AGBL1: variants seen among roughly 807,000 people sequenced by gnomAD.
The protein encoded by AGBL1 is cytosolic carboxypeptidase 4.
AGBL1 carries 130 observed loss-of-function variants against 118.9 expected under a neutral mutation model. The observed-to-expected ratio is 1.09, with a 90% CI of 0.95 to 1.26. AGBL1 has a LOEUF of 1.26. Among genes scored for constraint, AGBL1 ranks in the 50% most tolerant of loss-of-function variants. The pLI, the probability that AGBL1 is intolerant of heterozygous loss-of-function variation, is 0.00. For missense variants in AGBL1, 1,584 were observed against 1,298.1 expected (o/e 1.22, Z -3.38); for synonymous variants, 555 against 478.9 (o/e 1.16, Z -2.08).
At chr15:87,009,546 G>A (rs1241619279) in intron 24 of AGBL1, among the ~76,000 whole-genome samples, 1 of 152,208 alleles carries the variant, frequency 6.6e-6, no homozygotes, top group Non-Finnish European at 1.5e-5. Flanking sequence ...GCACTGCCCA[G>A]TGGAACTGTG....
At chr15:86,164,114 C>T (rs556187262) in intron 5 of AGBL1, among the ~76,000 whole-genome samples, 3 of 152,152 alleles carry the variant, frequency 2.0e-5, no homozygotes, top group Non-Finnish European at 4.4e-5. Context: ...CTGGGGGAAC[C>T]GACAGAGATT....
At chr15:86,596,692 T>A (rs1250371235) in intron 21 of AGBL1, among the ~76,000 whole-genome samples, 1 of 152,128 alleles carries the variant, frequency 6.6e-6, no homozygotes, top group Non-Finnish European at 1.5e-5. Context: ...GACTGTCTTG[T>A]CAAAAACCAT....
At chr15:86,979,647 C>A (rs1336077353) in intron 23 of AGBL1, among the ~76,000 whole-genome samples, 3 of 146,646 alleles carry the variant, frequency 2.0e-5, no homozygotes, top group Non-Finnish European at 3.0e-5. Flanking sequence ...CGCCACCACG[C>A]CCGGCTAATT....
At chr15:86,499,879 C>A (rs183231294) in intron 18 of AGBL1, among the ~76,000 whole-genome samples, 1 of 151,818 alleles carries the variant, frequency 6.6e-6, no homozygotes, top group African/African-American at 2.4e-5. Context: ...ATGAAGGGAG[C>A]AGGGAATTGT....
intron 21 of AGBL1, among the ~76,000 whole-genome samples, chr15:86,587,211 G>A (rs2142343818): frequency 6.6e-6 from 1 of 152,248 alleles, no homozygotes; most frequent in South Asian, 2.1e-4. Context: ...GGAAACTGAG[G>A]CACGGACAGG....
chr15:86,899,398 A>AG (rs888512627), intron 22 of AGBL1, among the ~76,000 whole-genome samples: 1 of 152,118 alleles, frequency 6.6e-6, no homozygotes, highest in African/African-American at 2.4e-5. Context: ...AGAGGTGGGG[A>AG]GGAGGGAGAG....
rs145152573 is a variant in AGBL1 at position 86,230,223 on chromosome 15, CAT to C, written c.526+5274_526+5275del. 2.3e-3 allele frequency among the ~76,000 whole-genome samples: 343 copies of C among 152,314 alleles called. 2 individuals carry two copies. Among genetic ancestry groups the C allele is most frequent in the African/African-American group, 8.0e-3 (333 of 41,582 alleles). ...GAGCCGGATCAGGAACAGACAGCCT[CAT>C]AGTCTCAGGAGTCGTCTGCTGTGAC... On this transcript the variant is annotated intron_variant, in intron 6 of 22. Transcript: ENST00000614907.
intron 9 of AGBL1, among the ~76,000 whole-genome samples, chr15:86,262,144 A>T (rs2173089): frequency 0.48 from 66,031 of 136,884 alleles, 16,322 homozygotes; most frequent in African/African-American, 0.65. Flanking sequence ...TCCTCCTGAG[A>T]TCTCCTAATC....
At chr15:86,182,944 G>A (rs1298042496) in intron 5 of AGBL1, among the ~76,000 whole-genome samples, 1 of 152,170 alleles carries the variant, frequency 6.6e-6, no homozygotes, top group Non-Finnish European at 1.5e-5. Context: ...TTTTATTTCA[G>A]TATCACTAAT....
At chr15:86,324,013 A>G (rs2080145208) in intron 17 of AGBL1, among the ~76,000 whole-genome samples, 1 of 152,252 alleles carries the variant, frequency 6.6e-6, no homozygotes, top group African/African-American at 2.4e-5. Flanking sequence ...AAGACTGTCA[A>G]TAATTTCTGC....
At chr15:86,287,393 G>T (rs2079471264) in intron 16 of AGBL1, among the ~76,000 whole-genome samples, 1 of 152,018 alleles carries the variant, frequency 6.6e-6, no homozygotes, top group African/African-American at 2.4e-5. Context: ...TTGTTTGTCT[G>T]TGCTCTTGGG....
intron 5 of AGBL1, among the ~76,000 whole-genome samples, chr15:86,176,706 C>A (rs1348421089): frequency 6.6e-6 from 1 of 152,184 alleles, no homozygotes; most frequent in Non-Finnish European, 1.5e-5. Flanking sequence ...CTTAAAATGG[C>A]TGTGTGCTGC....
Position 86,909,998 on chromosome 15 carries a change from G to A in AGBL1, c.*2704G>A, listed in dbSNP as rs770300982. 3 of 152,302 alleles carry A rather than the reference G, an allele frequency of 2.0e-5. No homozygotes were observed. The highest frequency in any genetic ancestry group is 2.9e-5 in the Non-Finnish European group (2 of 68,030). The allele number at this position is 152,302 out of a possible 1,614,324, so 9.4% of individuals were successfully genotyped here. A position where few individuals can be genotyped will look rare whatever the true frequency, so the allele number is the denominator to read the frequency against. On this transcript the variant is annotated 3_prime_UTR_variant, in exon 23 of 23. Coordinates refer to ENST00000614907, the MANE Select transcript of AGBL1 (RefSeq NM_001386094.1). Reference sequence around the variant, plus strand: ...GGTCATGCACTTTACTAAGCTCTACGGATGCAGATAAGAAAGACCTATTTT... The same window carrying A: ...GGTCATGCACTTTACTAAGCTCTACAGATGCAGATAAGAAAGACCTATTTT...
At chr15:86,366,184 CTTCATTCAG>C (rs2080885142) in intron 17 of AGBL1, among the ~76,000 whole-genome samples, 1 of 152,144 alleles carries the variant, frequency 6.6e-6, no homozygotes, top group East Asian at 1.9e-4. Flanking sequence ...CCCCTACATT[CTTCATTCAG>C]CTCCATTTCT....
intron 18 of AGBL1, among the ~76,000 whole-genome samples, chr15:86,420,396 T>G (rs981066003): frequency 1.3e-5 from 2 of 152,080 alleles, no homozygotes; most frequent in African/African-American, 2.4e-5. Flanking sequence ...GAAGGAACAC[T>G]AACAATCAGA....
chr15:86,750,817 C>T (rs967790872), intron 22 of AGBL1, among the ~76,000 whole-genome samples: 18 of 151,808 alleles, frequency 1.2e-4, no homozygotes, highest in Non-Finnish European at 2.1e-4. Flanking sequence ...TAGGCCCCAG[C>T]GTGTGTGTTG....
chr15:86,122,409 T>C lies in AGBL1; in HGVS notation c.52-19595T>C, dbSNP rs972591835. Among the ~76,000 whole-genome samples, 15 of 152,158 alleles carry C rather than the reference T, an allele frequency of 9.9e-5. No individual in the cohort carries two copies. In the East Asian group the frequency reaches 2.9e-3, roughly 29 times the overall value. ...GATAGTGCTTAATTCTACTCCTTCTTCTCAAGTGTGGGCTAGACATAGTGA... is the reference window on the plus strand; with the variant it reads ...GATAGTGCTTAATTCTACTCCTTCTCCTCAAGTGTGGGCTAGACATAGTGA... On this transcript the variant is annotated intron_variant, in intron 1 of 22. Coordinates refer to ENST00000614907, the MANE Select transcript of AGBL1 (RefSeq NM_001386094.1).
chr15:86,318,139 C>T (rs2080044665), intron 17 of AGBL1, among the ~76,000 whole-genome samples: 1 of 152,210 alleles, frequency 6.6e-6, no homozygotes, highest in Non-Finnish European at 1.5e-5. Context: ...ACAGCTTGGG[C>T]AAACCATTTA....
intron 18 of AGBL1, among the ~76,000 whole-genome samples, chr15:86,473,255 G>A (rs2082504627): frequency 6.6e-6 from 1 of 152,158 alleles, no homozygotes; most frequent in Non-Finnish European, 1.5e-5. Context: ...GCTTTCCAGG[G>A]AAGGACTGAA....
Sources: gnomAD v4.1 joint callset for allele counts (sites outside exome capture counted in the v4.1 genomes callset) on GRCh38, gnomAD v4.1.1 for gene constraint, MANE v1.5 for transcripts, NCBI Gene and HGNC (gene_info 2026-07-23, HGNC 2026-07-21) for gene names.